Variants in RPS29 observed in about 807,000 individuals in gnomAD.
RPS29 encodes the protein ribosomal protein S29.
For missense variants in RPS29, 60 were observed against 75.7 expected, an observed-to-expected ratio of 0.79 and a Z score of 0.77; for synonymous variants, 37 against 26.9, an observed-to-expected ratio of 1.37 and a Z score of -1.16.
chr14:49,590,345 G>A (rs377201225), upstream of RPS29, among the ~76,000 whole-genome samples: 1 of 151,788 alleles, frequency 6.6e-6, no homozygotes, highest in Non-Finnish European at 1.5e-5. Context: ...GCATGGTGGC[G>A]GGCGCCTGTA....
downstream of RPS29, among the ~76,000 whole-genome samples, chr14:49,579,521 G>A (rs898377759): frequency 3.3e-5 from 5 of 152,174 alleles, no homozygotes; most frequent in Admixed American, 3.3e-4. Context: ...GGGCAACACT[G>A]CAAGACCCTG....
Position 49,578,503 on chromosome 14 carries a change from T to TA in RPS29, c.163-651dup, listed in dbSNP as rs558563318. On this transcript the variant is annotated intron_variant, in intron 2 of 2. Transcript: ENST00000396020. ...CACATATACAATTTTTCACTTTTTA[T>TA]AAAAAAAATTTCTTTCGGCAATTTT... 4.1e-3 allele frequency among the ~76,000 whole-genome samples: 605 copies of TA among 148,674 alleles called. 5 individuals are homozygous for TA. Among genetic ancestry groups the TA allele is most frequent in the Middle Eastern group, 6.9e-3 (2 of 290 alleles).
intron 1 of RPS29, among the ~76,000 whole-genome samples, chr14:49,596,092 A>G (rs1881816560): frequency 6.6e-6 from 1 of 152,210 alleles, no homozygotes; most frequent in African/African-American, 2.4e-5. Context: ...AGCCAGGGAA[A>G]TAAATGAAAA....
At chr14:49,582,012 C>CCAAAAAAAAAAAGAAAAAA (rs71115379), downstream of RPS29, among the ~76,000 whole-genome samples, 1 of 106,534 alleles carries the variant, frequency 9.4e-6, no homozygotes, top group African/African-American at 4.5e-5. Flanking sequence ...CCCTGCCCCC[C>CCAAAAAAAAAAAGAAAAAA]AAAAAAAAAA....
chr14:49,578,559 CTT>C (rs60555753), intron 2 of RPS29, among the ~76,000 whole-genome samples: 5 of 103,442 alleles, frequency 4.8e-5, no homozygotes, highest in Non-Finnish European at 5.4e-5. Context: ...AAAGCTTTCA[CTT>C]TTTTTTTTTT....
At chr14:49,583,561 C>T (rs1006886620), downstream of RPS29, 14 of 1,198,214 alleles carry the variant, frequency 1.2e-5, no homozygotes, top group South Asian at 1.6e-4. Context: ...CACATTAGAA[C>T]ACTCATAAAC....
upstream of RPS29, among the ~76,000 whole-genome samples, chr14:49,588,675 G>A (rs1171807445): frequency 6.7e-6 from 1 of 149,788 alleles, no homozygotes; most frequent in African/African-American, 2.5e-5. Context: ...TTACAGGCAC[G>A]TGCCACCACA....
At chr14:49,585,077 C>T (rs1881480450) in intron 2 of RPS29, among the ~76,000 whole-genome samples, 2 of 151,662 alleles carry the variant, frequency 1.3e-5, no homozygotes, top group Admixed American at 1.3e-4. Flanking sequence ...CGCTTTCAAA[C>T]ATTTTGGGTT....
chr14:49,593,884 G>A (rs1881767710), intron 1 of RPS29, among the ~76,000 whole-genome samples: 1 of 151,966 alleles, frequency 6.6e-6, no homozygotes, highest in East Asian at 1.9e-4. Context: ...TTGGGCAACT[G>A]TATTTAATCA....
chr14:49,572,515 GAATA>G (rs896933858), exon 3 of RPS29: 1 of 152,086 alleles, frequency 6.6e-6, no homozygotes, highest in African/African-American at 2.4e-5. Flanking sequence ...TAGTGTCATA[GAATA>G]AATAATTTTT....
Position 49,583,619 on chromosome 14 carries a change from GT to G in RPS29, c.*47del. 2 of 1,569,584 alleles carry G rather than the reference GT, an allele frequency of 1.3e-6. No homozygotes were observed. The highest frequency in any genetic ancestry group is 1.4e-5 in the African/African-American group (1 of 72,258). ...ATTTTATATACAAAGAATTATCATG[GT>G]TTTTCATTGAGTAGATGCCCCGGAT... On this transcript the variant is annotated 3_prime_UTR_variant, in exon 3 of 3. Transcript: ENST00000245458.
exon 3 of RPS29, chr14:49,576,038 T>C (rs1161008631): frequency 6.6e-6 from 1 of 152,076 alleles, no homozygotes; most frequent in African/African-American, 2.4e-5. Flanking sequence ...CCTTGATTCC[T>C]ACACACACAT....
At chr14:49,598,382 C>T (rs1360951495) in intron 1 of RPS29, 1 of 673,968 alleles carries the variant, frequency 1.5e-6, no homozygotes, top group Non-Finnish European at 2.7e-6. Flanking sequence ...TTAAGCCAGT[C>T]ACACTCCATC....
At chr14:49,577,865 A>G (rs766345126) in intron 2 of RPS29, 51 of 1,577,472 alleles carry the variant, frequency 3.2e-5, no homozygotes, top group Non-Finnish European at 4.2e-5. Flanking sequence ...TGTAATGGTA[A>G]AAGAGGACCC....
chr14:49,594,141 T>C (rs1881773069), intron 1 of RPS29, among the ~76,000 whole-genome samples: 1 of 152,194 alleles, frequency 6.6e-6, no homozygotes, highest in African/African-American at 2.4e-5. Context: ...ACAAATTTAA[T>C]TTGGCTGCAG....
downstream of RPS29, among the ~76,000 whole-genome samples, chr14:49,581,201 GA>G (rs930322782): frequency 6.6e-6 from 1 of 150,768 alleles, no homozygotes; most frequent in East Asian, 1.9e-4. Context: ...AAAAAAAAAA[GA>G]AAAAAAAATT....
chr14:49,597,050 G>GA lies in RPS29; in HGVS notation c.-133+1349dup, dbSNP rs35484885. On this transcript the variant is annotated intron_variant, in intron 1 of 3. Coordinates refer to the RPS29 transcript ENST00000556230. ...CTGCCTCAGCTTCCCGGGTAGCTGG[G>GA]ACTACAGGTGCGCGCCAACACTCTG... Among the ~76,000 whole-genome samples the GA allele has an allele frequency of 9.6e-3, 1,453 of 151,882 alleles. 22 individuals carry two copies. The highest frequency in any genetic ancestry group is 0.034 in the African/African-American group (1,387 of 41,376).
chr14:49,596,958 A>T (rs1407805944), intron 1 of RPS29, among the ~76,000 whole-genome samples: 1 of 134,096 alleles, frequency 7.5e-6, no homozygotes, highest in Non-Finnish European at 1.5e-5. Flanking sequence ...TCTGTCGCCC[A>T]GGCTGGAGTG....
chr14:49,598,248 A>T, intron 1 of RPS29: 1 of 586,490 alleles, frequency 1.7e-6, no homozygotes, highest in Non-Finnish European at 3.0e-6. Flanking sequence ...GCGCCTGCTT[A>T]ACATTTGCTC....
Sources: gnomAD v4.1 joint callset for allele counts (sites outside exome capture counted in the v4.1 genomes callset) on GRCh38, gnomAD v4.1.1 for gene constraint, MANE v1.5 for transcripts, NCBI Gene and HGNC (gene_info 2026-07-23, HGNC 2026-07-21) for gene names.